The following SORCS3 variants were observed in gnomAD, a reference collection of about 807,000 sequenced individuals.
The protein encoded by SORCS3 is sortilin related VPS10 domain containing receptor 3, also known as VPS10 domain-containing receptor SorCS3.
Under a neutral mutation model 146.3 loss-of-function variants are expected in SORCS3, and 57 were observed. The observed-to-expected ratio is 0.39, with a 90% CI of 0.31 to 0.49. The LOEUF is 0.49. SORCS3 is among the 20% of genes least tolerant of loss of function. The probability of loss-of-function intolerance (pLI) is 0.92; values close to 1 mark genes in which losing one functional copy is unlikely to be tolerated. For synonymous variants in SORCS3, 653 were observed against 618.5 expected, an observed-to-expected ratio of 1.06 and a Z score of -0.83; for missense variants, 1,341 against 1,575.5, an observed-to-expected ratio of 0.85 and a Z score of 2.52.
intron 5 of SORCS3, among the ~76,000 whole-genome samples, chr10:105,048,883 C>A (rs558729355): frequency 6.6e-6 from 1 of 152,152 alleles, no homozygotes; most frequent in South Asian, 2.1e-4. Flanking sequence ...TCTATCCTTA[C>A]AATTTTTGTG....
intron 1 of SORCS3, among the ~76,000 whole-genome samples, chr10:104,786,418 C>T (rs980946387): frequency 4.0e-5 from 6 of 151,726 alleles, no homozygotes; most frequent in South Asian, 2.1e-4. Flanking sequence ...TGTGGTGGCA[C>T]GTGCCTGTAA....
In SORCS3 at chr10:104,750,952, G is replaced by A. The variant is rs113458727; in HGVS notation, c.628-91840G>A. 9.1e-3 allele frequency among the ~76,000 whole-genome samples: 1,387 copies of A among 152,156 alleles called. 21 individuals carry two copies. The highest frequency in any genetic ancestry group is 0.032 in the African/African-American group (1,331 of 41,524). ...CTTGGAACTATGCATTTCTTAGTTC[G>A]GAATATCGTGTCTATAATATTTTAA... On this transcript the variant is annotated intron_variant, in intron 1 of 26. Transcript: ENST00000369701.
intron 6 of SORCS3, among the ~76,000 whole-genome samples, chr10:105,100,030 A>T (rs1231380697): frequency 6.6e-6 from 1 of 152,118 alleles, no homozygotes; most frequent in Non-Finnish European, 1.5e-5. Context: ...ACCATATGAG[A>T]TCCTTGGTCC....
At chr10:105,110,806 G>A (rs544622550) in intron 7 of SORCS3, among the ~76,000 whole-genome samples, 1 of 152,168 alleles carries the variant, frequency 6.6e-6, no homozygotes, top group African/African-American at 2.4e-5. Context: ...ATTATGATTT[G>A]GCTATTTAAA....
intron 4 of SORCS3, among the ~76,000 whole-genome samples, chr10:105,002,745 G>A (rs996848102): frequency 2.6e-5 from 4 of 152,178 alleles, no homozygotes; most frequent in African/African-American, 7.2e-5. Context: ...GTTGGCTCTG[G>A]AGTCAGAAGG....
At chr10:105,083,772 C>T (rs1385290107) in intron 5 of SORCS3, among the ~76,000 whole-genome samples, 1 of 152,120 alleles carries the variant, frequency 6.6e-6, no homozygotes, top group Non-Finnish European at 1.5e-5. Context: ...TAGTCTAGAA[C>T]CAAAATTTTC....
At chr10:105,000,687 C>T (rs1005887044) in intron 4 of SORCS3, among the ~76,000 whole-genome samples, 4 of 152,138 alleles carry the variant, frequency 2.6e-5, no homozygotes, top group African/African-American at 9.7e-5. Flanking sequence ...AACCCCTGCA[C>T]CCTAATCCAA....
chr10:104,919,711 T>A (rs938341468), intron 3 of SORCS3, among the ~76,000 whole-genome samples: 4 of 151,952 alleles, frequency 2.6e-5, no homozygotes, highest in Non-Finnish European at 5.9e-5. Flanking sequence ...AAGAAATTAA[T>A]GTTCATAAGG....
At position 104,752,361 on chromosome 10, in the gene SORCS3, AAAAG is replaced by A. The variant is rs1471670899; in HGVS notation, c.628-90429_628-90426del. ...AAAGCATTATTTTTTTGTGATAAGG[AAAAG>A]AGAGAGATCATTTTGGAGCATGGGA... is the stretch of plus-strand genomic sequence containing the variant. On this transcript the variant is annotated intron_variant, in intron 1 of 26. Coordinates refer to ENST00000369701, the MANE Select transcript of SORCS3 (RefSeq NM_014978.3). Among the ~76,000 whole-genome samples the A allele has an allele frequency of 2.6e-5, 4 of 152,088 alleles. No individual in the cohort carries two copies. The South Asian group carries it at 6.2e-4, about 24-fold the overall frequency.
At chr10:104,673,714 A>T (rs1392625996) in intron 1 of SORCS3, among the ~76,000 whole-genome samples, 1 of 152,026 alleles carries the variant, frequency 6.6e-6, no homozygotes, top group Non-Finnish European at 1.5e-5. Context: ...GGCCTCCTAT[A>T]GTGTTGAGAC....
chr10:105,141,624 T>G (rs1245868505), intron 8 of SORCS3, among the ~76,000 whole-genome samples: 4 of 152,152 alleles, frequency 2.6e-5, no homozygotes, highest in African/African-American at 4.8e-5. Flanking sequence ...TTGTAGTGTT[T>G]GGCAGAGAAT....
chr10:104,785,442 T>C, intron 1 of SORCS3, among the ~76,000 whole-genome samples: 1 of 142,302 alleles, frequency 7.0e-6, no homozygotes, highest in East Asian at 2.0e-4. Flanking sequence ...ACACAAACAC[T>C]GCGGAAGGCC....
intron 4 of SORCS3, among the ~76,000 whole-genome samples, chr10:105,031,461 C>A (rs1293514899): frequency 2.0e-5 from 3 of 151,986 alleles, no homozygotes; most frequent in African/African-American, 7.3e-5. Flanking sequence ...GATGAAGAAT[C>A]AAAAATTATA....
chr10:104,980,618 G>A (rs1418031512), intron 4 of SORCS3, among the ~76,000 whole-genome samples: 4 of 152,210 alleles, frequency 2.6e-5, no homozygotes, highest in African/African-American at 9.6e-5. Context: ...CAGCATCAAA[G>A]GGAGATGTTT....
At chr10:105,199,002 G>A (rs552927199) in intron 14 of SORCS3, among the ~76,000 whole-genome samples, 3 of 152,262 alleles carry the variant, frequency 2.0e-5, no homozygotes, top group Admixed American at 6.5e-5. Context: ...CAGGAAGAGA[G>A]TTAATCTTGT....
intron 7 of SORCS3, among the ~76,000 whole-genome samples, chr10:105,122,204 G>A (rs763916204): frequency 3.9e-5 from 6 of 152,150 alleles, no homozygotes; most frequent in Non-Finnish European, 5.9e-5. Context: ...TCCCATTACC[G>A]CTCTAATTAG....
chr10:104,880,750 CCTG>C (rs2018622379), intron 2 of SORCS3, among the ~76,000 whole-genome samples: 1 of 152,148 alleles, frequency 6.6e-6, no homozygotes, highest in Admixed American at 6.5e-5. Flanking sequence ...ATCCTGACCC[CCTG>C]CCTTACTCTG....
At chr10:104,718,215 GGAGGCT>G (rs2016502182) in intron 1 of SORCS3, among the ~76,000 whole-genome samples, 1 of 152,010 alleles carries the variant, frequency 6.6e-6, no homozygotes, top group Admixed American at 6.6e-5. Context: ...CTCAAGTTTT[GGAGGCT>G]GAAAAGCTCA....
rs2017062964 is a variant in SORCS3, at chr10:104,757,120, C to T, written c.628-85672C>T. ...CAATTATAGCTCACAAAAGTTTGTGCTTGCTCTGTCCAGGTGGGTCTGCCA... is the reference window on the plus strand; with the variant it reads ...CAATTATAGCTCACAAAAGTTTGTGTTTGCTCTGTCCAGGTGGGTCTGCCA... On this transcript the variant is annotated intron_variant, in intron 1 of 26. Coordinates refer to ENST00000369701, the MANE Select transcript of SORCS3 (RefSeq NM_014978.3). Among the ~76,000 whole-genome samples, 5 of 111,276 alleles carry T rather than the reference C, an allele frequency of 4.5e-5. No homozygotes were observed. In the South Asian group the frequency reaches 1.5e-3, roughly 34 times the overall value. The allele number at this position is 111,276 out of a possible 152,430, so 73.0% of individuals were successfully genotyped here. A position where few individuals can be genotyped will look rare whatever the true frequency, so the allele number is the denominator to read the frequency against.
Sources: allele counts gnomAD v4.1 joint callset (sites outside exome capture counted in the v4.1 genomes callset), GRCh38; gene constraint gnomAD v4.1.1; transcripts MANE v1.5; gene names NCBI Gene and HGNC (gene_info 2026-07-23, HGNC 2026-07-21).